Variants in SDC2 observed in about 807,000 individuals in gnomAD.
SDC2 encodes the protein syndecan 2, also known as syndecan-2.
SDC2 carries 13 observed loss-of-function variants against 22.2 expected under a neutral mutation model. The ratio of observed to expected loss-of-function variants is 0.59; its 90% confidence interval spans 0.38 to 0.93. SDC2 has a LOEUF of 0.93. Among genes scored for constraint, SDC2 ranks in the 40% least tolerant of loss-of-function variants. SDC2 has a pLI of 0.00. For missense variants in SDC2, 235 were observed against 246.8 expected (o/e 0.95, Z 0.32); for synonymous variants, 94 against 92.8 (o/e 1.01, Z -0.07).
chr8:96,531,361 T>C (rs1813658655), intron 1 of SDC2, among the ~76,000 whole-genome samples: 1 of 152,218 alleles, frequency 6.6e-6, no homozygotes, highest in South Asian at 2.1e-4. Context: ...CTCTGCCATA[T>C]TGTATATGGA....
chr8:96,560,053 T>C (rs1037005614), intron 1 of SDC2, among the ~76,000 whole-genome samples: 3 of 152,144 alleles, frequency 2.0e-5, no homozygotes, highest in African/African-American at 7.2e-5. Context: ...ATATTTAGAG[T>C]TGTGGAACCA....
chr8:96,525,743 G>T (rs533330871), intron 1 of SDC2, among the ~76,000 whole-genome samples: 1 of 152,170 alleles, frequency 6.6e-6, no homozygotes, highest in South Asian at 2.1e-4. Context: ...ATTTGTTGGA[G>T]TTTTCTTTTC....
At chr8:96,606,285 A>G (rs1815078128) in intron 3 of SDC2, among the ~76,000 whole-genome samples, 1 of 152,096 alleles carries the variant, frequency 6.6e-6, no homozygotes, top group Non-Finnish European at 1.5e-5. Context: ...TTTTGTAGAG[A>G]CAAGGTCTCA....
chr8:96,513,226 A>T (rs902014369), intron 1 of SDC2, among the ~76,000 whole-genome samples: 2 of 152,224 alleles, frequency 1.3e-5, no homozygotes, highest in Non-Finnish European at 2.9e-5. Flanking sequence ...TTTTAATGAA[A>T]ATGTGGATTG....
Position 96,609,556 on chromosome 8 carries a change from A to G in SDC2, c.*8A>G. ...AAGGAGTTTTATGCGTAAAACTCCA[A>G]CTTAGTGTCTCTATTTATGAGATCA... On this transcript the variant is annotated 3_prime_UTR_variant, in exon 5 of 5. Coordinates refer to ENST00000302190, the MANE Select transcript of SDC2 (RefSeq NM_002998.4). 1 of 1,570,902 alleles carries G rather than the reference A, an allele frequency of 6.4e-7. No homozygotes were observed. Among genetic ancestry groups the G allele is most frequent in the Non-Finnish European group, 8.6e-7 (1 of 1,156,940 alleles).
chr8:96,511,550 G>A (rs1276620704), intron 1 of SDC2, among the ~76,000 whole-genome samples: 2 of 152,304 alleles, frequency 1.3e-5, no homozygotes, highest in Non-Finnish European at 2.9e-5. Flanking sequence ...TTTGTGAGGA[G>A]GTAGAACAGC....
intron 2 of SDC2, among the ~76,000 whole-genome samples, chr8:96,597,660 A>G (rs1264051988): frequency 1.3e-5 from 2 of 152,250 alleles, no homozygotes; most frequent in African/African-American, 2.4e-5. Flanking sequence ...AAAACAGGAT[A>G]CTATAAAACA....
intron 2 of SDC2, among the ~76,000 whole-genome samples, chr8:96,596,797 A>G (rs1385454645): frequency 6.6e-6 from 1 of 152,246 alleles, no homozygotes; most frequent in Non-Finnish European, 1.5e-5. Flanking sequence ...AACAAAAGCC[A>G]TGAAGTTTTG....
At chr8:96,567,819 C>A (rs1246305024) in intron 1 of SDC2, among the ~76,000 whole-genome samples, 1 of 152,124 alleles carries the variant, frequency 6.6e-6, no homozygotes, top group Non-Finnish European at 1.5e-5. Context: ...AGTGGAGTAA[C>A]ACCTCCGTTG....
intron 4 of SDC2, among the ~76,000 whole-genome samples, chr8:96,608,927 G>A (rs1376506596): frequency 2.0e-5 from 3 of 152,010 alleles, no homozygotes. Flanking sequence ...ATTTTAAAGG[G>A]GAAAACTTTC....
chr8:96,506,944 G>T (rs1426039727), intron 1 of SDC2, among the ~76,000 whole-genome samples: 1 of 150,614 alleles, frequency 6.6e-6, no homozygotes, highest in Non-Finnish European at 1.5e-5. Flanking sequence ...GAGAGGTGGA[G>T]ATTGCGGTGA....
chr8:96,578,952 G>A (rs1814547543), intron 1 of SDC2, among the ~76,000 whole-genome samples: 1 of 152,202 alleles, frequency 6.6e-6, no homozygotes, highest in South Asian at 2.1e-4. Flanking sequence ...TTGGATACCA[G>A]GAATGTGAAA....
chr8:96,536,606 G>A (rs1813759514), intron 1 of SDC2, among the ~76,000 whole-genome samples: 1 of 152,224 alleles, frequency 6.6e-6, no homozygotes, highest in Admixed American at 6.5e-5. Flanking sequence ...ACAGGCATGA[G>A]CCACTGAGTT....
intron 1 of SDC2, among the ~76,000 whole-genome samples, chr8:96,500,931 T>G (rs960510219): frequency 6.6e-6 from 1 of 152,188 alleles, no homozygotes; most frequent in African/African-American, 2.4e-5. Flanking sequence ...TTGGAGATTT[T>G]CCATTTGCAT....
intron 1 of SDC2, among the ~76,000 whole-genome samples, chr8:96,540,837 A>G (rs10104364): frequency 0.027 from 4,152 of 152,300 alleles, 191 homozygotes; most frequent in African/African-American, 0.094. Flanking sequence ...AGTTTACCAG[A>G]AAAATTTCAG....
intron 1 of SDC2, among the ~76,000 whole-genome samples, chr8:96,592,382 A>G (rs1260647557): frequency 6.6e-6 from 1 of 152,232 alleles, no homozygotes; most frequent in Non-Finnish European, 1.5e-5. Context: ...CAGTGTAGTA[A>G]GGGAAACATT....
intron 1 of SDC2, among the ~76,000 whole-genome samples, chr8:96,523,455 T>G (rs1284598776): frequency 6.6e-6 from 1 of 152,202 alleles, no homozygotes; most frequent in Non-Finnish European, 1.5e-5. Context: ...CTGCCAGGGG[T>G]AACTCTTGGA....
intron 2 of SDC2, 71 bp from the exon 3 acceptor site, chr8:96,602,324 A>T: frequency 6.6e-7 from 1 of 1,505,930 alleles, no homozygotes. Flanking sequence ...AACGTCAGGC[A>T]ATAGTGCCTG....
chr8:96,501,094 C>T (rs1310474161), intron 1 of SDC2, among the ~76,000 whole-genome samples: 1 of 151,732 alleles, frequency 6.6e-6, no homozygotes, highest in East Asian at 1.9e-4. Flanking sequence ...GTCACAAAGA[C>T]TCAGTAAGTA....
Sources: gnomAD v4.1 joint callset for allele counts (sites outside exome capture counted in the v4.1 genomes callset) on GRCh38, gnomAD v4.1.1 for gene constraint, MANE v1.5 for transcripts, NCBI Gene and HGNC (gene_info 2026-07-23, HGNC 2026-07-21) for gene names.